BTBD9: variants seen among roughly 807,000 people sequenced by gnomAD.
BTBD9 encodes the protein BTB/POZ domain-containing protein 9.
Under a neutral mutation model 64.3 loss-of-function variants are expected in BTBD9, and 49 were observed. That is an observed-to-expected ratio of 0.76 (90% CI 0.61 to 0.97). The LOEUF (loss-of-function observed/expected upper bound fraction) is 0.97. Among genes scored for constraint, BTBD9 ranks in the 50% least tolerant of loss-of-function variants. The probability of loss-of-function intolerance (pLI) is 0.00; values close to 1 mark genes in which losing one functional copy is unlikely to be tolerated. For synonymous variants in BTBD9, 260 were observed against 274.7 expected (o/e 0.95, Z 0.53); for missense variants, 598 against 762.1 (o/e 0.78, Z 2.53).
chr6:38,440,440 A>ACC lies in BTBD9; in HGVS notation c.1155-95348_1155-95347insGG, dbSNP rs368621102. On this transcript the variant is annotated intron_variant, in intron 6 of 10. Coordinates refer to ENST00000481247, the MANE Select transcript of BTBD9 (RefSeq NM_001099272.2). The stretch of plus-strand genomic sequence containing the variant: ...GAAGCAAGACAAGGACTCGGAAGAG[A>ACC]CTACTGGGCTCAGCACTGTGGTAAT... Among the ~76,000 whole-genome samples the ACC allele has an allele frequency of 3.8e-4, 58 of 150,998 alleles. 1 individual carries two copies. Among genetic ancestry groups the ACC allele is most frequent in the Admixed American group, 1.4e-3 (22 of 15,230 alleles).
chr6:38,407,844 C>T (rs1326288929), intron 6 of BTBD9, among the ~76,000 whole-genome samples: 1 of 152,138 alleles, frequency 6.6e-6, no homozygotes, highest in Admixed American at 6.5e-5. Flanking sequence ...TAACAAAATC[C>T]ATCATGCTTG....
chr6:38,428,157 G>C (rs1768264961), intron 6 of BTBD9, among the ~76,000 whole-genome samples: 1 of 151,848 alleles, frequency 6.6e-6, no homozygotes, highest in Non-Finnish European at 1.5e-5. Context: ...AAAGATTAAC[G>C]AGATATATCC....
intron 1 of BTBD9, among the ~76,000 whole-genome samples, chr6:38,607,328 T>C (rs1316876454): frequency 1.3e-5 from 2 of 152,198 alleles, no homozygotes; most frequent in African/African-American, 4.8e-5. Context: ...CAACATATAC[T>C]GACGATATAT....
At chr6:38,425,353 C>T (rs890485959) in intron 6 of BTBD9, among the ~76,000 whole-genome samples, 1 of 151,822 alleles carries the variant, frequency 6.6e-6, no homozygotes, top group Admixed American at 6.6e-5. Context: ...ATCTGCCTGC[C>T]TCGGCCTCCC....
chr6:38,193,859 T>A, intron 9 of BTBD9: 3 of 985,440 alleles, frequency 3.0e-6, no homozygotes, highest in Non-Finnish European at 3.6e-6. Flanking sequence ...CCTCTCACTA[T>A]GAACCTCCCA....
At position 38,587,419 on chromosome 6, in the gene BTBD9, A is replaced by G. The variant is rs969412888; in HGVS notation, c.814+5157T>C. On this transcript the variant is annotated intron_variant, in intron 4 of 10. Transcript: ENST00000481247. ...TCCTATTCATAATGAAGATATTAAT[A>G]TTACTTATGATGAATTAGTGCTAAT... 46 of 526,020 alleles carry G rather than the reference A, an allele frequency of 8.7e-5. No individual in the cohort carries two copies. In the African/African-American group the frequency reaches 8.8e-4, roughly 10 times the overall value. 32.6% of individuals were successfully genotyped at this position (526,020 alleles called of 1,614,324 possible).
At chr6:38,193,663 A>G (rs1762177101) in intron 9 of BTBD9, among the ~76,000 whole-genome samples, 1 of 152,134 alleles carries the variant, frequency 6.6e-6, no homozygotes, top group Non-Finnish European at 1.5e-5. Context: ...AACTCCAATA[A>G]TATTTTCTGT....
intron 6 of BTBD9, among the ~76,000 whole-genome samples, chr6:38,352,064 TA>T (rs1356827341): frequency 6.6e-6 from 1 of 152,186 alleles, no homozygotes; most frequent in African/African-American, 2.4e-5. Flanking sequence ...GTAAATCTGC[TA>T]GTATCAAGAT....
At chr6:38,495,137 G>C (rs946951646) in intron 6 of BTBD9, among the ~76,000 whole-genome samples, 2 of 152,118 alleles carry the variant, frequency 1.3e-5, no homozygotes, top group African/African-American at 4.8e-5. Context: ...ATAATGTCAA[G>C]AACAATGGCT....
At chr6:38,611,375 C>T (rs777757973) in intron 1 of BTBD9, among the ~76,000 whole-genome samples, 2 of 151,976 alleles carry the variant, frequency 1.3e-5, no homozygotes, top group Non-Finnish European at 2.9e-5. Flanking sequence ...ACATAAATGA[C>T]ATTTTGAAAA....
intron 6 of BTBD9, among the ~76,000 whole-genome samples, chr6:38,360,151 C>T (rs139312045): frequency 1.2e-3 from 176 of 152,138 alleles, no homozygotes; most frequent in African/African-American, 3.9e-3. Context: ...GGAAAGATAC[C>T]AGAAAGAGCA....
intron 3 of BTBD9, among the ~76,000 whole-genome samples, chr6:38,593,186 TAGAA>T (rs574703861): frequency 6.7e-4 from 102 of 152,352 alleles, no homozygotes; most frequent in Non-Finnish European, 1.3e-3. Flanking sequence ...ATTGTTAAGT[TAGAA>T]AGACATATTT....
chr6:38,267,800 C>T (rs527536033), intron 8 of BTBD9, among the ~76,000 whole-genome samples: 8 of 152,090 alleles, frequency 5.3e-5, no homozygotes, highest in South Asian at 2.1e-4. Flanking sequence ...ATTAGCTGGG[C>T]GAGGTGGCAG....
intron 8 of BTBD9, among the ~76,000 whole-genome samples, chr6:38,276,243 G>GC (rs1320450449): frequency 1.3e-5 from 2 of 151,208 alleles, no homozygotes; most frequent in African/African-American, 4.8e-5. Context: ...GCAAACTATC[G>GC]CAAGGACAAA....
chr6:38,327,993 C>A (rs1480459481), intron 7 of BTBD9, among the ~76,000 whole-genome samples: 1 of 152,178 alleles, frequency 6.6e-6, no homozygotes, highest in East Asian at 1.9e-4. Flanking sequence ...CTGCTGCTGG[C>A]CCTGCACATC....
intron 6 of BTBD9, among the ~76,000 whole-genome samples, chr6:38,564,025 G>A (rs1364640716): frequency 1.3e-5 from 2 of 151,466 alleles, no homozygotes; most frequent in Non-Finnish European, 2.9e-5. Context: ...CTTGTGATCC[G>A]CCCACCTCAG....
chr6:38,287,261 C>T (rs182447235), intron 8 of BTBD9, among the ~76,000 whole-genome samples: 1 of 151,828 alleles, frequency 6.6e-6, no homozygotes, highest in East Asian at 1.9e-4. Context: ...GTCCTGCAAG[C>T]TCCATTCATG....
intron 6 of BTBD9, among the ~76,000 whole-genome samples, chr6:38,502,391 G>C (rs1452556224): frequency 1.3e-5 from 2 of 152,130 alleles, no homozygotes; most frequent in Admixed American, 1.3e-4. Context: ...TGGAAGCAAG[G>C]TGATTTTTAA....
At chr6:38,424,476 G>A (rs931552618) in intron 6 of BTBD9, among the ~76,000 whole-genome samples, 1 of 151,854 alleles carries the variant, frequency 6.6e-6, no homozygotes, top group Non-Finnish European at 1.5e-5. Flanking sequence ...TACTAGGTGT[G>A]AATCTGAATG....
Sources: gnomAD v4.1 joint callset for allele counts (sites outside exome capture counted in the v4.1 genomes callset) on GRCh38, gnomAD v4.1.1 for gene constraint, MANE v1.5 for transcripts, NCBI Gene and HGNC (gene_info 2026-07-23, HGNC 2026-07-21) for gene names.